FANCB: variants seen among roughly 807,000 people sequenced by gnomAD.
FANCB encodes the protein Fanconi anemia group B protein.
A neutral mutation model predicts 38.9 loss-of-function variants in FANCB; 5 were observed. The observed-to-expected ratio is 0.13, with a 90% CI of 0.07 to 0.27. The LOEUF (loss-of-function observed/expected upper bound fraction) is 0.27. Among genes scored for constraint, FANCB ranks in the 10% least tolerant of loss-of-function variants. The pLI, the probability that FANCB is intolerant of heterozygous loss-of-function variation, is 1.00. For synonymous variants in FANCB, 236 were observed against 215.4 expected, an observed-to-expected ratio of 1.10 and a Z score of -0.84; for missense variants, 573 against 602.7, an observed-to-expected ratio of 0.95 and a Z score of 0.52.
chrX:14,758,678 C>T, the FANCB span, among the ~76,000 whole-genome samples: 1 of 111,762 alleles, frequency 8.9e-6, no homozygotes, highest in Non-Finnish European at 1.9e-5. Flanking sequence ...AAGGGGAGAG[C>T]ACCATATCAA....
chrX:14,777,123 C>T, the FANCB span, among the ~76,000 whole-genome samples: 3 of 112,065 alleles, frequency 2.7e-5, no homozygotes, highest in Non-Finnish European at 5.6e-5. Context: ...TGAAGCCTTG[C>T]CAGGCATTGC....
chrX:14,770,002 G>T, the FANCB span, among the ~76,000 whole-genome samples: 1 of 112,106 alleles, frequency 8.9e-6, no homozygotes. Flanking sequence ...TGTGAACTGA[G>T]ACTGTGTGTT....
chrX:14,746,577 A>G, the FANCB span, among the ~76,000 whole-genome samples: 1 of 112,391 alleles, frequency 8.9e-6, no homozygotes, highest in Non-Finnish European at 1.9e-5. Context: ...ATTTGAACAA[A>G]GGAGAATTTC....
chrX:14,872,796 G>A (rs1451373624), intron 1 of FANCB, among the ~76,000 whole-genome samples, 190 bp downstream of exon 1: 1 of 112,127 alleles, frequency 8.9e-6, no homozygotes, highest in African/African-American at 3.2e-5. Flanking sequence ...GATACTGAAG[G>A]GATGAAAAAA....
At chrX:14,814,866 C>G in the FANCB span, among the ~76,000 whole-genome samples, 1 of 112,041 alleles carries the variant, frequency 8.9e-6, no homozygotes, top group African/African-American at 3.2e-5. Context: ...AAGACACATG[C>G]ACACATATGA....
the FANCB span, among the ~76,000 whole-genome samples, chrX:14,716,887 C>A: frequency 2.7e-5 from 3 of 111,384 alleles, no homozygotes; most frequent in African/African-American, 9.8e-5. Context: ...ATTTGCACAT[C>A]GCCTTGTATG....
chrX:14,724,088 G>A, the FANCB span, among the ~76,000 whole-genome samples: 3 of 111,167 alleles, frequency 2.7e-5, no homozygotes, highest in Non-Finnish European at 3.8e-5. Context: ...TACCTTAACT[G>A]TTTATTTTTT....
intron 2 of FANCB, among the ~76,000 whole-genome samples, chrX:14,867,507 G>A (rs751183760): frequency 2.7e-5 from 3 of 111,123 alleles, no homozygotes; most frequent in Non-Finnish European, 5.7e-5. Flanking sequence ...TCAATAAATG[G>A]TGGTGCTGGG....
chrX:14,785,986 C>T, the FANCB span, among the ~76,000 whole-genome samples: 1 of 111,645 alleles, frequency 9.0e-6, no homozygotes, highest in Non-Finnish European at 1.9e-5. Context: ...AACAGTTGAG[C>T]AGAGAGAGAA....
chrX:14,825,650 A>G, the FANCB span, among the ~76,000 whole-genome samples: 8 of 112,092 alleles, frequency 7.1e-5, no homozygotes, highest in African/African-American at 1.6e-4. Context: ...AATATCTGTC[A>G]TATCTGTGGA....
the FANCB span, among the ~76,000 whole-genome samples, chrX:14,790,638 C>T: frequency 1.8e-5 from 2 of 111,965 alleles, no homozygotes; most frequent in Non-Finnish European, 3.8e-5. Flanking sequence ...GCCTTATGGG[C>T]GATCACATAG....
intron 7 of FANCB, among the ~76,000 whole-genome samples, chrX:14,849,005 G>C (rs1416514155): frequency 9.0e-6 from 1 of 111,038 alleles, no homozygotes; most frequent in Non-Finnish European, 1.9e-5. Context: ...GTTGCATTGC[G>C]GGCTGCTGGC....
the FANCB span, among the ~76,000 whole-genome samples, chrX:14,792,429 G>T: frequency 9.1e-6 from 1 of 110,267 alleles, no homozygotes; most frequent in Admixed American, 9.8e-5. Flanking sequence ...CAATTTCCTG[G>T]TATGAATATA....
At chrX:14,813,929 C>T in the FANCB span, among the ~76,000 whole-genome samples, 1 of 111,004 alleles carries the variant, frequency 9.0e-6, no homozygotes, top group African/African-American at 3.3e-5. Flanking sequence ...CAAACTATAC[C>T]ACAAGGCTAC....
At chrX:14,691,803 T>C in the FANCB span, among the ~76,000 whole-genome samples, 3 of 111,987 alleles carry the variant, frequency 2.7e-5, no homozygotes, top group Admixed American at 2.8e-4. Context: ...TACCCTTTGA[T>C]ATGAAGAATG....
the FANCB span, among the ~76,000 whole-genome samples, chrX:14,776,890 C>T: frequency 2.7e-5 from 3 of 111,897 alleles, no homozygotes; most frequent in African/African-American, 9.8e-5. Flanking sequence ...ATCTGGGCCA[C>T]GTTGGGTGGG....
chrX:14,832,580 C>A (rs146160646), downstream of FANCB, among the ~76,000 whole-genome samples: 348 of 112,211 alleles, frequency 3.1e-3, 1 homozygote, highest in African/African-American at 0.01. Context: ...TCTATCTTCA[C>A]GCCTAAGCCA....
At chrX:14,825,434 T>C in the FANCB span, among the ~76,000 whole-genome samples, 1 of 111,890 alleles carries the variant, frequency 8.9e-6, no homozygotes, top group Non-Finnish European at 1.9e-5. Flanking sequence ...GATCTATATC[T>C]CAGTTTACTA....
At chrX:14,713,244 C>T in the FANCB span, among the ~76,000 whole-genome samples, 1 of 112,036 alleles carries the variant, frequency 8.9e-6, no homozygotes, top group Non-Finnish European at 1.9e-5. Context: ...AATCACCTGA[C>T]CCCTCCAGTC....
Sources: allele counts gnomAD v4.1 joint callset (sites outside exome capture counted in the v4.1 genomes callset), GRCh38; gene constraint gnomAD v4.1.1; transcripts MANE v1.5; gene names NCBI Gene and HGNC (gene_info 2026-07-23, HGNC 2026-07-21).